Variants in CCDC18 observed in about 807,000 individuals in gnomAD.
CCDC18 encodes the protein coiled-coil domain-containing protein 18.
Under a neutral mutation model 196.0 loss-of-function variants are expected in CCDC18, and 157 were observed. The observed-to-expected ratio is 0.80, with a 90% CI of 0.70 to 0.91. The LOEUF (loss-of-function observed/expected upper bound fraction) is 0.91, where lower values mean the gene tolerates loss of function less well. CCDC18 is among the 40% of genes least tolerant of loss of function. The pLI is 0.00. For synonymous variants in CCDC18, 482 were observed against 529.2 expected (o/e 0.91, Z 1.22); for missense variants, 1,465 against 1,611.6 (o/e 0.91, Z 1.56).
chr1:93,239,397 TA>T lies in CCDC18; in HGVS notation c.2694del (p.Ala899GlnfsTer7), dbSNP rs748244356. 2.5e-6 allele frequency: 4 copies of T among 1,613,286 alleles called. No homozygotes were observed. The South Asian group carries it at 4.4e-5, about 18-fold the overall frequency. On this transcript the variant is annotated frameshift_variant, in exon 20 of 29. Transcript: ENST00000690025. LOFTEE classifies it high-confidence loss of function. The part of the protein sequence containing the change: ...IMHLKRDGEN[K>X]AMHLSQLDMI... ...TGCACCTAAAACGAGATGGAGAAAA[TA>T]AAGCAATGCACCTCTCTCAATTAGA...
At position 93,234,783 on chromosome 1, in the gene CCDC18, C is replaced by CTTGTTTTGTTTTGTT. The variant is rs112240098; in HGVS notation, c.2461-1461_2461-1447dup. 9.4e-3 allele frequency among the ~76,000 whole-genome samples: 1,403 copies of CTTGTTTTGTTTTGTT among 149,770 alleles called. 9 individuals are homozygous for CTTGTTTTGTTTTGTT. Among genetic ancestry groups the CTTGTTTTGTTTTGTT allele is most frequent in the Non-Finnish European group, 0.014 (921 of 67,688 alleles). ...GAGGGGTGGATATTAATGGGGTTTTCTTGTTTTGTTTTGTTTTGAGACCGG... is the reference window on the plus strand; with the variant it reads ...GAGGGGTGGATATTAATGGGGTTTTCTTGTTTTGTTTTGTTTTGTTTTGTTTTGTTTTGAGACCGG... On this transcript the variant is annotated intron_variant, in intron 18 of 28. Transcript: ENST00000690025.
intron 4 of CCDC18, among the ~76,000 whole-genome samples, chr1:93,190,394 A>G (rs1369957722): frequency 6.6e-6 from 1 of 152,246 alleles, no homozygotes; most frequent in East Asian, 1.9e-4. Flanking sequence ...AGGCTGAGGC[A>G]GGAGAATTGC....
chr1:93,244,432 T>A (rs1402568497), intron 21 of CCDC18, among the ~76,000 whole-genome samples: 1 of 152,222 alleles, frequency 6.6e-6, no homozygotes, highest in Non-Finnish European at 1.5e-5. Flanking sequence ...ACAAAGTGCA[T>A]GAACTTTGAA....
At chr1:93,208,279 A>G (rs1303701670) in intron 9 of CCDC18, among the ~76,000 whole-genome samples, 1 of 151,458 alleles carries the variant, frequency 6.6e-6, no homozygotes, top group African/African-American at 2.4e-5. Flanking sequence ...CTCTTTTATT[A>G]TAACCATCTT....
intron 26 of CCDC18, among the ~76,000 whole-genome samples, chr1:93,260,732 T>G (rs548276241): frequency 5.5e-4 from 84 of 152,112 alleles, no homozygotes; most frequent in Non-Finnish European, 1.0e-3. Context: ...ACCTGTCACC[T>G]ACATTAGGTA....
At chr1:93,247,202 C>T (rs534933953) in intron 23 of CCDC18, among the ~76,000 whole-genome samples, 1 of 151,790 alleles carries the variant, frequency 6.6e-6, no homozygotes, top group Admixed American at 6.6e-5. Flanking sequence ...TTTGGGATTA[C>T]AGGCGTGAGC....
At chr1:93,271,426 G>A (rs773504416) in intron 28 of CCDC18, 66 of 985,114 alleles carry the variant, frequency 6.7e-5, no homozygotes, top group Non-Finnish European at 7.7e-5. Context: ...TCTTGAACAT[G>A]TACTTTCAAG....
At chr1:93,278,404 A>ATGGT (rs1665750939) in intron 28 of CCDC18, 59 bp from the exon 29 acceptor site, 2 of 698,232 alleles carry the variant, frequency 2.9e-6, no homozygotes, top group Non-Finnish European at 4.5e-6. Context: ...GTAGACTTTT[A>ATGGT]ATGCTAAATC....
intron 14 of CCDC18, among the ~76,000 whole-genome samples, chr1:93,218,127 T>C (rs906064962): frequency 3.9e-5 from 6 of 152,142 alleles, no homozygotes; most frequent in African/African-American, 1.2e-4. Flanking sequence ...CCTAAAAATA[T>C]CAGTTGCTTG....
In CCDC18 at chr1:93,193,670, G is replaced by C; in HGVS notation, c.624G>C (p.Gln208His). The change falls in exon 6 of 29, where the codon CAG becomes CAC. Residue 208 changes from glutamine (Q) to histidine (H), a missense_variant. Gln to His is a conservative substitution (Grantham distance 24). Transcript: ENST00000690025. ...QSQKMVIEKE[Q>H]SLQESKEECI... ...AGAAAATGGTAATTGAAAAGGAACAGAGTTTGCAGGAGTCCAAAGAGGAAT... is the reference window on the plus strand; with the variant it reads ...AGAAAATGGTAATTGAAAAGGAACACAGTTTGCAGGAGTCCAAAGAGGAAT... The C allele has an allele frequency of 1.3e-6, 2 of 1,591,206 alleles. No homozygotes were observed. The highest frequency in any genetic ancestry group is 1.7e-6 in the Non-Finnish European group (2 of 1,169,826).
At position 93,270,703 on chromosome 1, in the gene CCDC18, T is replaced by C. The variant is rs1297411387; in HGVS notation, c.4242T>C (p.Asp1414=). The change falls in exon 28 of 29, where the codon GAT becomes GAC. Residue 1414 remains aspartate (D), a synonymous_variant. Coordinates refer to ENST00000690025, the MANE Select transcript of CCDC18 (RefSeq NM_001378204.1). The part of the protein sequence containing the change: ...FKPLTYNLEA[D]SSENNDFNTL... ...CTCTCACATATAACCTAGAAGCTGA[T>C]AGTTCTGAGAATAATGACTTTAACA... The C allele has an allele frequency of 9.0e-6, 14 of 1,550,228 alleles. No individual in the cohort carries two copies. Among genetic ancestry groups the C allele is most frequent in the East Asian group, 2.4e-5 (1 of 40,890 alleles).
At chr1:93,197,994 G>A (rs148785783) in intron 6 of CCDC18, among the ~76,000 whole-genome samples, 1,537 of 151,888 alleles carry the variant, frequency 0.01, 17 homozygotes, top group Non-Finnish European at 0.013. Context: ...CTCGTGATCC[G>A]CCCGCCTTGG....
At chr1:93,210,242 T>C (rs1464133722) in intron 9 of CCDC18, among the ~76,000 whole-genome samples, 2 of 152,222 alleles carry the variant, frequency 1.3e-5, no homozygotes, top group African/African-American at 4.8e-5. Context: ...TTTATAACTG[T>C]CTTTTAAAAT....
intron 7 of CCDC18, among the ~76,000 whole-genome samples, chr1:93,203,879 CTATTGGTTTT>C (rs1473340261): frequency 2.6e-5 from 4 of 151,978 alleles, no homozygotes; most frequent in Non-Finnish European, 5.9e-5. Flanking sequence ...CAAGACAGGG[CTATTGGTTTT>C]TATAATCAGG....
rs575771018 is a variant in CCDC18 at position 93,180,958 on chromosome 1, G to A, written c.-3+106G>A. 7 of 1,093,970 alleles carry A rather than the reference G, an allele frequency of 6.4e-6. No individual in the cohort carries two copies. In the South Asian group the frequency reaches 8.7e-5, roughly 14 times the overall value. The allele number at this position is 1,093,970 out of a possible 1,614,324, so 67.8% of individuals were successfully genotyped here. On this transcript the variant is annotated intron_variant, in intron 1 of 28. Coordinates refer to ENST00000690025, the MANE Select transcript of CCDC18 (RefSeq NM_001378204.1). ...TGTTCCTTTCCCTCCCGGCACCTTG[G>A]ATGCGCTGGGACTGGTCCTCGTGGT...
At chr1:93,206,930 G>A (rs1025056353) in intron 8 of CCDC18, among the ~76,000 whole-genome samples, 177 bp from the exon 9 acceptor site, 4 of 152,020 alleles carry the variant, frequency 2.6e-5, no homozygotes, top group East Asian at 3.8e-4. Context: ...AGTAATAATA[G>A]TGCCAACCAT....
At chr1:93,183,911 A>C in intron 2 of CCDC18, 67 bp from the exon 3 acceptor site, 1 of 992,240 alleles carries the variant, frequency 1.0e-6, no homozygotes. Flanking sequence ...TTTCTTATTT[A>C]ATGTATAGCA....
chr1:93,239,346 G>A lies in CCDC18; in HGVS notation c.2640G>A (p.Glu880=), dbSNP rs199752921. ...TTGAGATGGATCAGTACAAAGAAGA[G>A]CTGTCTAAAATGGAAAAGGAAATAA... The part of the protein sequence containing the change: ...VKIEMDQYKE[E]LSKMEKEIMH... The change falls in exon 20 of 29, where the codon GAG becomes GAA. Residue 880 remains glutamate (E), a synonymous_variant. Coordinates refer to ENST00000690025, the MANE Select transcript of CCDC18 (RefSeq NM_001378204.1). 33 of 1,612,764 alleles carry A rather than the reference G, an allele frequency of 2.0e-5. 1 individual carries two copies. The highest frequency in any genetic ancestry group is 1.2e-4 in the Admixed American group (7 of 59,904).
intron 23 of CCDC18, among the ~76,000 whole-genome samples, chr1:93,251,900 A>G (rs1662299781): frequency 6.6e-6 from 1 of 152,148 alleles, no homozygotes; most frequent in Non-Finnish European, 1.5e-5. Context: ...TTTTAACTCC[A>G]ATAATTCAAA....
Sources: allele counts gnomAD v4.1 joint callset (sites outside exome capture counted in the v4.1 genomes callset), GRCh38; gene constraint gnomAD v4.1.1; transcripts MANE v1.5; gene names NCBI Gene and HGNC (gene_info 2026-07-23, HGNC 2026-07-21).